The following MACROD1 variants were observed in gnomAD, a reference collection of about 807,000 sequenced individuals.
MACROD1 encodes the protein mono-ADP ribosylhydrolase 1.
Under a neutral mutation model 41.4 loss-of-function variants are expected in MACROD1, and 31 were observed. That is an observed-to-expected ratio of 0.75 (90% CI 0.56 to 1.01). The LOEUF is 1.01. Among genes scored for constraint, MACROD1 ranks in the 50% least tolerant of loss-of-function variants. MACROD1 has a pLI of 0.00. For synonymous variants in MACROD1, 252 were observed against 203.4 expected, an observed-to-expected ratio of 1.24 and a Z score of -2.03; for missense variants, 473 against 460.0, an observed-to-expected ratio of 1.03 and a Z score of -0.26.
chr11:64,005,934 G>A (rs966074159), intron 4 of MACROD1, among the ~76,000 whole-genome samples: 12 of 152,204 alleles, frequency 7.9e-5, no homozygotes, highest in Admixed American at 1.3e-4. Context: ...GACCACTCCC[G>A]CCTGGACGGG....
intron 3 of MACROD1, among the ~76,000 whole-genome samples, chr11:64,048,349 C>T (rs1490697258): frequency 2.6e-5 from 4 of 152,218 alleles, no homozygotes; most frequent in African/African-American, 4.8e-5. Flanking sequence ...CTGCCCTGAC[C>T]CGGGGTCAGC....
chr11:64,022,482 G>A (rs1419751982), intron 3 of MACROD1, among the ~76,000 whole-genome samples: 11 of 152,190 alleles, frequency 7.2e-5, no homozygotes, highest in Admixed American at 6.5e-4. Flanking sequence ...GGGGCTTAGG[G>A]GAGCGGAGTT....
intron 3 of MACROD1, among the ~76,000 whole-genome samples, chr11:64,049,240 C>G (rs1021986633): frequency 6.6e-6 from 1 of 152,150 alleles, no homozygotes; most frequent in African/African-American, 2.4e-5. Context: ...TTTGTTAACA[C>G]CCCATTGTGT....
At chr11:64,117,587 C>A (rs1945013332) in intron 3 of MACROD1, 1 of 1,611,938 alleles carries the variant, frequency 6.2e-7, no homozygotes, top group South Asian at 1.1e-5. Flanking sequence ...AGACCCTGGC[C>A]ATCCACGTGA....
Position 64,151,480 on chromosome 11 carries a change from C to G in MACROD1, c.401-125G>C, listed in dbSNP as rs79720109. ...CCACCTCCAGGGGCAGCCTGCAGCACGATGACTGCTGACCCAGTACCAGGA... is the reference window on the plus strand; with the variant it reads ...CCACCTCCAGGGGCAGCCTGCAGCAGGATGACTGCTGACCCAGTACCAGGA... On this transcript the variant is annotated intron_variant, in intron 2 of 10. Coordinates refer to ENST00000255681, the MANE Select transcript of MACROD1 (RefSeq NM_014067.4). The G allele has an allele frequency of 4.4e-6, 3 of 681,146 alleles. No individual in the cohort carries two copies. In the African/African-American group the frequency reaches 5.3e-5, roughly 12 times the overall value. 42.2% of individuals were successfully genotyped at this position (681,146 alleles called of 1,614,324 possible).
intron 3 of MACROD1, among the ~76,000 whole-genome samples, chr11:64,098,456 A>C (rs1813900188): frequency 6.6e-6 from 1 of 151,918 alleles, no homozygotes; most frequent in African/African-American, 2.4e-5. Context: ...TAGCCCCCAC[A>C]CGGCAATGCT....
At chr11:64,071,522 G>T (rs148988178) in intron 3 of MACROD1, among the ~76,000 whole-genome samples, 75 of 152,270 alleles carry the variant, frequency 4.9e-4, no homozygotes, top group African/African-American at 1.8e-3. Flanking sequence ...TCACCCTGGG[G>T]CCCATCCCAG....
chr11:64,063,917 G>A (rs916745977), intron 3 of MACROD1, among the ~76,000 whole-genome samples: 1 of 152,224 alleles, frequency 6.6e-6, no homozygotes, highest in African/African-American at 2.4e-5. Flanking sequence ...CCTCCCCAGT[G>A]AGCTGCGGAG....
At chr11:64,149,709 G>A (rs1286310893) in intron 3 of MACROD1, among the ~76,000 whole-genome samples, 1 of 152,232 alleles carries the variant, frequency 6.6e-6, no homozygotes, top group African/African-American at 2.4e-5. Flanking sequence ...CCTCTCACAC[G>A]CTTGCCAGTG....
At position 64,117,182 on chromosome 11, in the gene MACROD1, C is replaced by A. The variant is rs185115330; in HGVS notation, c.517+34057G>T. The A allele has an allele frequency of 5.5e-5, 89 of 1,614,092 alleles. No homozygotes were observed. Among genetic ancestry groups the A allele is most frequent in the Non-Finnish European group, 7.5e-5 (88 of 1,180,026 alleles). On this transcript the variant is annotated intron_variant, in intron 3 of 10. Coordinates refer to ENST00000255681, the MANE Select transcript of MACROD1 (RefSeq NM_014067.4). ...AGCGGCTGGACCTGTCCAACAACAA[C>A]CTGACCACGCTGCCCCGCGGCCTGT...
At chr11:64,000,021 C>T in intron 5 of MACROD1, 1 of 631,060 alleles carries the variant, frequency 1.6e-6, no homozygotes, top group African/African-American at 1.8e-5. Flanking sequence ...GCGTTGCCCC[C>T]CAGCTCCATC....
At chr11:64,057,249 G>C (rs890580790) in intron 3 of MACROD1, among the ~76,000 whole-genome samples, 1 of 152,246 alleles carries the variant, frequency 6.6e-6, no homozygotes, top group East Asian at 1.9e-4. Context: ...GTAGGGGACG[G>C]GACAGCCCAT....
chr11:63,999,300 G>A lies in MACROD1; in HGVS notation c.891+31C>T, dbSNP rs149639371. The A allele has an allele frequency of 3.4e-3, 5,285 of 1,547,742 alleles. 15 individuals carry two copies. The highest frequency in any genetic ancestry group is 4.0e-3 in the Non-Finnish European group (4,586 of 1,152,794). ...GGCTGGTCACTCTGGCCGGGATGCG[G>A]ACCCCACCCTCGCCCGGGCCCAGGA... is the stretch of plus-strand genomic sequence containing the variant. On this transcript the variant is annotated intron_variant, in intron 8 of 10. Transcript: ENST00000255681.
intron 4 of MACROD1, among the ~76,000 whole-genome samples, chr11:64,012,132 T>A (rs1943024844): frequency 6.6e-6 from 1 of 152,140 alleles, no homozygotes; most frequent in Non-Finnish European, 1.5e-5. Context: ...ACCCGCCCCG[T>A]CCATCTCTCC....
At chr11:64,105,835 T>A (rs1439977369) in intron 3 of MACROD1, among the ~76,000 whole-genome samples, 1 of 152,172 alleles carries the variant, frequency 6.6e-6, no homozygotes, top group Non-Finnish European at 1.5e-5. Flanking sequence ...GGGAGGGCTC[T>A]GTCTCCACCC....
chr11:64,100,095 C>T (rs753590013), intron 3 of MACROD1, among the ~76,000 whole-genome samples: 2 of 152,154 alleles, frequency 1.3e-5, no homozygotes, highest in African/African-American at 2.4e-5. Flanking sequence ...AAGTCCTGCT[C>T]CCTCTTCTCA....
At chr11:64,133,657 C>T (rs1222481541) in intron 3 of MACROD1, among the ~76,000 whole-genome samples, 2 of 152,224 alleles carry the variant, frequency 1.3e-5, no homozygotes, top group Non-Finnish European at 2.9e-5. Context: ...GCAAGCTGAG[C>T]CATTCCCAGA....
At chr11:64,117,346 C>T (rs1945007074) in intron 3 of MACROD1, 1 of 1,613,920 alleles carries the variant, frequency 6.2e-7, no homozygotes, top group Non-Finnish European at 8.5e-7. Context: ...TGCCAGGGCC[C>T]TGAGAAGGTC....
chr11:64,026,336 G>A (rs1337035870), intron 3 of MACROD1, among the ~76,000 whole-genome samples: 4 of 152,122 alleles, frequency 2.6e-5, no homozygotes. Flanking sequence ...CGTGTTCACT[G>A]GTGTTTAATG....
Sources: allele counts gnomAD v4.1 joint callset (sites outside exome capture counted in the v4.1 genomes callset), GRCh38; gene constraint gnomAD v4.1.1; transcripts MANE v1.5; gene names NCBI Gene and HGNC (gene_info 2026-07-23, HGNC 2026-07-21).